The following PHTF2 variants were observed in gnomAD, a reference collection of about 807,000 sequenced individuals.
PHTF2 encodes putative homeodomain transcription factor 2, also known as protein PHTF2.
Under a neutral mutation model 101.2 loss-of-function variants are expected in PHTF2, and 60 were observed. The ratio of observed to expected loss-of-function variants is 0.59; its 90% CI spans 0.48 to 0.73. The LOEUF is 0.73. PHTF2 is among the 30% of genes least tolerant of loss of function. The probability of loss-of-function intolerance (pLI) is 0.00; values close to 1 mark genes in which losing one functional copy is unlikely to be tolerated. For synonymous variants in PHTF2, 311 were observed against 307.3 expected, an observed-to-expected ratio of 1.01 and a Z score of -0.13; for missense variants, 747 against 908.7, an observed-to-expected ratio of 0.82 and a Z score of 2.29.
intron 9 of PHTF2, among the ~76,000 whole-genome samples, chr7:77,915,292 C>T (rs1802803531): frequency 6.6e-6 from 1 of 151,658 alleles, no homozygotes; most frequent in African/African-American, 2.4e-5. Flanking sequence ...AATCTCGGCT[C>T]ACTGCAACCT....
At chr7:77,829,011 A>G (rs1794889841) in intron 1 of PHTF2, among the ~76,000 whole-genome samples, 1 of 152,106 alleles carries the variant, frequency 6.6e-6, no homozygotes, top group African/African-American at 2.4e-5. Context: ...CGGCCCCACA[A>G]GAAGTTAAAA....
intron 3 of PHTF2, among the ~76,000 whole-genome samples, chr7:77,891,717 G>A (rs535096560): frequency 1.6e-4 from 25 of 152,074 alleles, no homozygotes; most frequent in Non-Finnish European, 2.5e-4. Flanking sequence ...CCCCTGAGTA[G>A]CTAGGACTAC....
chr7:77,922,560 GT>G, intron 10 of PHTF2, 62 bp from the exon 10 acceptor site: 2 of 1,387,534 alleles, frequency 1.4e-6, no homozygotes, highest in Non-Finnish European at 1.9e-6. Flanking sequence ...AAATTTCATA[GT>G]TTAAAAGCTA....
chr7:77,920,750 T>G (rs1485387172), intron 10 of PHTF2, among the ~76,000 whole-genome samples: 1 of 152,168 alleles, frequency 6.6e-6, no homozygotes, highest in Non-Finnish European at 1.5e-5. Flanking sequence ...GGTGCGATCT[T>G]GGCTCACAGC....
Position 77,942,689 on chromosome 7 carries a change from A to G in PHTF2, c.1873-11A>G, listed in dbSNP as rs1292244934. On this transcript the variant is annotated splice_polypyrimidine_tract_variant and intron_variant, in intron 15 of 19. Transcript: ENST00000416283. The stretch of plus-strand genomic sequence containing the variant: ...ATGTTTCCTTTTCTCCCTTCCACCC[A>G]CACCCTGCAGCGTCGAGGTCCTCAG... The G allele has an allele frequency of 6.5e-7, 1 of 1,531,574 alleles. No individual in the cohort carries two copies. The highest frequency in any genetic ancestry group is 8.9e-7 in the Non-Finnish European group (1 of 1,118,506). 94.9% of individuals were successfully genotyped at this position (1,531,574 alleles called of 1,614,324 possible).
chr7:77,952,323 T>C (rs1806623181), intron 18 of PHTF2, among the ~76,000 whole-genome samples: 1 of 152,182 alleles, frequency 6.6e-6, no homozygotes, highest in South Asian at 2.1e-4. Context: ...TTGTTAGAGT[T>C]ATTTATGTTT....
chr7:77,951,215 G>T (rs534831079), intron 17 of PHTF2, among the ~76,000 whole-genome samples: 6 of 152,182 alleles, frequency 3.9e-5, no homozygotes, highest in South Asian at 4.1e-4. Context: ...GAGATGAGAG[G>T]ATCACTTGAA....
chr7:77,819,313 A>T (rs1022156560), intron 1 of PHTF2, among the ~76,000 whole-genome samples: 3 of 152,212 alleles, frequency 2.0e-5, no homozygotes, highest in Admixed American at 6.5e-5. Flanking sequence ...GTCTTGTTCT[A>T]GTAGTCAGAG....
chr7:77,841,112 C>G (rs1425475946), intron 2 of PHTF2, among the ~76,000 whole-genome samples: 1 of 95,180 alleles, frequency 1.1e-5, no homozygotes, highest in Non-Finnish European at 1.8e-5. Context: ...GAATCTCTCT[C>G]TCTGTCACCC....
At chr7:77,866,124 C>A (rs1356270379) in intron 3 of PHTF2, among the ~76,000 whole-genome samples, 1 of 138,260 alleles carries the variant, frequency 7.2e-6, no homozygotes, top group African/African-American at 2.8e-5. Context: ...GCAGAGGTTG[C>A]AGTGAGTCAA....
Position 77,820,179 on chromosome 7 carries a change from G to A in PHTF2, c.-35-20042G>A, listed in dbSNP as rs184147922. Among the ~76,000 whole-genome samples the A allele has an allele frequency of 2.8e-3, 425 of 152,190 alleles. 11 individuals are homozygous for A. Among genetic ancestry groups the A allele is most frequent in the Admixed American group, 0.023 (351 of 15,290 alleles). On this transcript the variant is annotated intron_variant, in intron 1 of 19. Transcript: ENST00000416283. The stretch of plus-strand genomic sequence containing the variant: ...GCTGGGATTACAGGCGTGAGCCACC[G>A]CACCCGGCTTGGGAGACATTTTATT...
At chr7:77,908,845 G>C in exon 8 of PHTF2, 1 of 1,612,542 alleles carries the variant, frequency 6.2e-7, no homozygotes, top group Non-Finnish European at 8.5e-7. Context: ...GCATACCTCT[G>C]ACAGAGGTGA....
intron 9 of PHTF2, among the ~76,000 whole-genome samples, chr7:77,913,110 G>A (rs1375285260): frequency 1.3e-5 from 2 of 152,086 alleles, no homozygotes; most frequent in African/African-American, 2.4e-5. Flanking sequence ...GATAGAGGCT[G>A]GGCACGGTGG....
chr7:77,921,265 C>G (rs756185714), intron 10 of PHTF2, among the ~76,000 whole-genome samples: 1 of 152,136 alleles, frequency 6.6e-6, no homozygotes, highest in African/African-American at 2.4e-5. Context: ...TTAAAGAGAA[C>G]AATTATTTCT....
At chr7:77,925,405 A>G (rs1289985088) in intron 11 of PHTF2, among the ~76,000 whole-genome samples, 1 of 150,914 alleles carries the variant, frequency 6.6e-6, no homozygotes, top group Non-Finnish European at 1.5e-5. Flanking sequence ...TTTATTTGGT[A>G]ATTTTTAGTG....
At chr7:77,858,076 T>C (rs935003348) in intron 3 of PHTF2, among the ~76,000 whole-genome samples, 6 of 152,212 alleles carry the variant, frequency 3.9e-5, no homozygotes, top group Non-Finnish European at 2.9e-5. Context: ...ATAGCACTTA[T>C]AAACCTCAAT....
intron 3 of PHTF2, among the ~76,000 whole-genome samples, chr7:77,867,348 A>G (rs758107265): frequency 9.9e-5 from 15 of 152,202 alleles, no homozygotes; most frequent in Non-Finnish European, 2.2e-4. Flanking sequence ...TAATGAAATT[A>G]CTGGTGGGTA....
chr7:77,799,689 G>C (rs1038878340), intron 1 of PHTF2, among the ~76,000 whole-genome samples: 3 of 152,216 alleles, frequency 2.0e-5, no homozygotes, highest in Non-Finnish European at 4.4e-5. Context: ...TTCTAACTCA[G>C]CACCTCCTTG....
At chr7:77,913,477 G>A (rs1336235658) in intron 9 of PHTF2, among the ~76,000 whole-genome samples, 1 of 151,460 alleles carries the variant, frequency 6.6e-6, no homozygotes, top group Admixed American at 6.6e-5. Context: ...TGTAATTATA[G>A]TTTCTATTAA....
Sources: gnomAD v4.1 joint callset for allele counts (sites outside exome capture counted in the v4.1 genomes callset) on GRCh38, gnomAD v4.1.1 for gene constraint, MANE v1.5 for transcripts, NCBI Gene and HGNC (gene_info 2026-07-23, HGNC 2026-07-21) for gene names.